The following ATRN variants were observed in gnomAD, a reference collection of about 807,000 sequenced individuals.
ATRN encodes the protein attractin-2.
Under a neutral mutation model 178.7 loss-of-function variants are expected in ATRN, and 54 were observed. That is an observed-to-expected ratio of 0.30 (90% CI 0.24 to 0.38). The LOEUF is 0.38. Ranked by LOEUF, ATRN falls within the 10% of genes least tolerant of loss-of-function variation. ATRN has a pLI of 1.00. For synonymous variants in ATRN, 636 were observed against 663.0 expected, an observed-to-expected ratio of 0.96 and a Z score of 0.63; for missense variants, 1,443 against 1,815.1, an observed-to-expected ratio of 0.79 and a Z score of 3.73.
intron 11 of ATRN, among the ~76,000 whole-genome samples, chr20:3,566,991 A>G (rs2086046042): frequency 6.6e-6 from 1 of 151,806 alleles, no homozygotes; most frequent in Non-Finnish European, 1.5e-5. Flanking sequence ...TTTAGGAACT[A>G]GCTACTAGGA....
At position 3,633,049 on chromosome 20, in the gene ATRN, C is replaced by T. The variant is rs530857367; in HGVS notation, c.3864-1262C>T. On this transcript the variant is annotated intron_variant, in intron 25 of 28. Transcript: ENST00000262919. Reference sequence around the variant, plus strand: ...GGAGGCTAAAAGAGGAGAATAGAATCGCTTGAACCTGGGAGGCAGAGGTTG... The same window carrying T: ...GGAGGCTAAAAGAGGAGAATAGAATTGCTTGAACCTGGGAGGCAGAGGTTG... 5.1e-4 allele frequency among the ~76,000 whole-genome samples: 78 copies of T among 152,246 alleles called. 2 individuals are homozygous for T. Among genetic ancestry groups the T allele is most frequent in the South Asian group, 3.1e-3 (15 of 4,826 alleles).
intron 22 of ATRN, among the ~76,000 whole-genome samples, chr20:3,599,822 A>G (rs2086584886): frequency 6.6e-6 from 1 of 152,220 alleles, no homozygotes; most frequent in Non-Finnish European, 1.5e-5. Flanking sequence ...ATAAGTAAAC[A>G]CTTGAGCTGT....
At position 3,600,990 on chromosome 20, in the gene ATRN, C is replaced by T. The variant is rs1487647777; in HGVS notation, c.3609C>T (p.Phe1203=). Residue 1203 remains phenylalanine, a synonymous_variant, in exon 23 of 29, where the codon TTC becomes TTT. Coordinates refer to ENST00000262919, the MANE Select transcript of ATRN (RefSeq NM_139321.3). ...TGTTCATCAATGCCTCCAAGAATTT[C>T]AACCTCAACATCACCTGGGCTGCCA... is the stretch of plus-strand genomic sequence containing the variant. ...LDMFINASKN[F]NLNITWAASF... The T allele has an allele frequency of 6.2e-7, 1 of 1,613,872 alleles. No homozygotes were observed.
chr20:3,514,452 T>C lies in ATRN; in HGVS notation c.411-20801T>C, dbSNP rs1343448526. 2.0e-5 allele frequency among the ~76,000 whole-genome samples: 3 copies of C among 152,082 alleles called. No individual in the cohort carries two copies. In the East Asian group the frequency reaches 5.8e-4, roughly 29 times the overall value. On this transcript the variant is annotated intron_variant, in intron 1 of 28. Coordinates refer to ENST00000262919, the MANE Select transcript of ATRN (RefSeq NM_139321.3). ...GTCTTATGAACATAGATGGAAAAAATGTAAACAGAATATTTGCAGACTGTG... is the reference window on the plus strand; with the variant it reads ...GTCTTATGAACATAGATGGAAAAAACGTAAACAGAATATTTGCAGACTGTG...
intron 18 of ATRN, among the ~76,000 whole-genome samples, chr20:3,590,700 G>A (rs138414108): frequency 2.6e-5 from 4 of 152,288 alleles, no homozygotes; most frequent in Non-Finnish European, 5.9e-5. Flanking sequence ...GTTTATAATT[G>A]ATGAAATAAG....
chr20:3,603,318 G>A (rs1000372690), intron 23 of ATRN, among the ~76,000 whole-genome samples: 6 of 152,156 alleles, frequency 3.9e-5, no homozygotes, highest in South Asian at 2.1e-4. Context: ...CCAAGGAGGT[G>A]TAAAGGGGAA....
At chr20:3,560,595 T>A in intron 7 of ATRN, 67 bp from the exon 8 acceptor site, 1 of 1,327,192 alleles carries the variant, frequency 7.5e-7, no homozygotes, top group East Asian at 2.4e-5. Flanking sequence ...TGAGCTTTTG[T>A]TCTTCTCTGT....
At chr20:3,495,851 A>C (rs1379390804) in intron 1 of ATRN, among the ~76,000 whole-genome samples, 1 of 151,686 alleles carries the variant, frequency 6.6e-6, no homozygotes, top group Non-Finnish European at 1.5e-5. Context: ...TAAATCTATA[A>C]ATATATATTT....
Position 3,634,298 on chromosome 20 carries a change from TC to T in ATRN, c.3864-11del. Reference sequence around the variant, plus strand: ...GGGCTGGGATAATAACTCAGTACTTTCCTTTCTCACAGTTGTTTCCTCTCTT... The same window carrying T: ...GGGCTGGGATAATAACTCAGTACTTTCTTTCTCACAGTTGTTTCCTCTCTT... On this transcript the variant is annotated splice_polypyrimidine_tract_variant and intron_variant, in intron 25 of 28. Transcript: ENST00000262919. The T allele has an allele frequency of 6.2e-7, 1 of 1,611,552 alleles. No individual in the cohort carries two copies. Among genetic ancestry groups the T allele is most frequent in the South Asian group, 1.1e-5 (1 of 90,824 alleles).
At position 3,650,863 on chromosome 20, in the gene ATRN, T is replaced by C. The variant is rs1447031369; in HGVS notation, c.*4016T>C. On this transcript the variant is annotated 3_prime_UTR_variant, in exon 29 of 29. Coordinates refer to ENST00000262919, the MANE Select transcript of ATRN (RefSeq NM_139321.3). ...GTTTGTTAATATGTATAATTTAGCATCTATTACACTCATGTAAATATGGAG... is the reference window on the plus strand; with the variant it reads ...GTTTGTTAATATGTATAATTTAGCACCTATTACACTCATGTAAATATGGAG... 6.6e-6 allele frequency: 1 copy of C among 152,550 alleles called. No homozygotes were observed. The highest frequency in any genetic ancestry group is 1.5e-5 in the Non-Finnish European group (1 of 68,046). 9.4% of individuals were successfully genotyped at this position (152,550 alleles called of 1,614,324 possible).
rs997501470 is a variant in ATRN at position 3,520,742 on chromosome 20, C to T, written c.411-14511C>T. Among the ~76,000 whole-genome samples, 3 of 152,288 alleles carry T rather than the reference C, an allele frequency of 2.0e-5. No individual in the cohort carries two copies. The South Asian group carries it at 6.2e-4, about 32-fold the overall frequency. ...GAACTCCTGGCCTCAAGTGATCTGC[C>T]TGCCTCAGCCTCCCAAAGTGCTGCG... On this transcript the variant is annotated intron_variant, in intron 1 of 28. Coordinates refer to ENST00000262919, the MANE Select transcript of ATRN (RefSeq NM_139321.3).
intron 6 of ATRN, among the ~76,000 whole-genome samples, chr20:3,557,111 C>T (rs2085888008): frequency 1.3e-5 from 2 of 152,206 alleles, no homozygotes; most frequent in Non-Finnish European, 2.9e-5. Context: ...TCTCAGGAAA[C>T]ACCTTTCATA....
chr20:3,493,347 A>T (rs1210622223), intron 1 of ATRN, among the ~76,000 whole-genome samples: 1 of 147,430 alleles, frequency 6.8e-6, no homozygotes, highest in Non-Finnish European at 1.5e-5. Flanking sequence ...TTTGGTAGAG[A>T]TGGGGTCTCA....
At chr20:3,525,172 A>C (rs1217855427) in intron 1 of ATRN, among the ~76,000 whole-genome samples, 1 of 152,186 alleles carries the variant, frequency 6.6e-6, no homozygotes, top group Admixed American at 6.5e-5. Context: ...AAAGAAGAAA[A>C]GAGAGAAGAA....
chr20:3,578,561 C>T, intron 14 of ATRN, 21 bp from the exon 15 acceptor site: 3 of 1,574,550 alleles, frequency 1.9e-6, no homozygotes, highest in Non-Finnish European at 1.7e-6. Context: ...TCTTTTCTTT[C>T]TCTTTTCCCC....
At chr20:3,573,137 C>T (rs142111820) in intron 12 of ATRN, among the ~76,000 whole-genome samples, 186 bp downstream of exon 12, 3 of 152,072 alleles carry the variant, frequency 2.0e-5, no homozygotes, top group African/African-American at 4.8e-5. Flanking sequence ...TGGGAACATG[C>T]CATGTGGCTC....
intron 6 of ATRN, among the ~76,000 whole-genome samples, chr20:3,553,754 G>A (rs538824616): frequency 6.6e-6 from 1 of 152,280 alleles, no homozygotes; most frequent in Middle Eastern, 3.4e-3. Context: ...GACTGTTCCT[G>A]CTATTGTGCC....
rs1048256467 is a variant in ATRN at position 3,634,531 on chromosome 20, C to G, written c.3942+142C>G. Reference sequence around the variant, plus strand: ...GGAAGGAATAATGCAGCCCTTTCTGCAGTCCATGGTTCTGCAGCATATGGT... The same window carrying G: ...GGAAGGAATAATGCAGCCCTTTCTGGAGTCCATGGTTCTGCAGCATATGGT... On this transcript the variant is annotated intron_variant, in intron 26 of 28. Coordinates refer to ENST00000262919, the MANE Select transcript of ATRN (RefSeq NM_139321.3). The G allele has an allele frequency of 1.8e-5, 12 of 673,668 alleles. No individual in the cohort carries two copies. The African/African-American group carries it at 2.0e-4, about 11-fold the overall frequency. The allele number at this position is 673,668 out of a possible 1,614,324, so 41.7% of individuals were successfully genotyped here.
At chr20:3,499,707 G>A (rs1376553204) in intron 1 of ATRN, among the ~76,000 whole-genome samples, 2 of 148,786 alleles carry the variant, frequency 1.3e-5, no homozygotes, top group Non-Finnish European at 3.0e-5. Context: ...AGACTTAAAC[G>A]TTAGACCTAA....
Sources: allele counts gnomAD v4.1 joint callset (sites outside exome capture counted in the v4.1 genomes callset), GRCh38; gene constraint gnomAD v4.1.1; transcripts MANE v1.5; gene names NCBI Gene and HGNC (gene_info 2026-07-23, HGNC 2026-07-21).